The following NDP variants were observed in gnomAD, a reference collection of about 807,000 sequenced individuals.
NDP encodes the protein norrin cystine knot growth factor NDP.
NDP carries 2 observed loss-of-function variants against 8.4 expected under a neutral mutation model. The ratio of observed to expected loss-of-function variants is 0.24; its 90% CI spans 0.10 to 0.75. The LOEUF is 0.75. Ranked by LOEUF, NDP falls within the 30% of genes least tolerant of loss-of-function variation. The pLI is 0.73. For missense variants in NDP, 81 were observed against 110.1 expected (o/e 0.74, Z 1.18); for synonymous variants, 55 against 45.6 (o/e 1.21, Z -0.83).
At chrX:43,965,883 C>A (rs1602070410) in intron 1 of NDP, among the ~76,000 whole-genome samples, 2 of 111,507 alleles carry the variant, frequency 1.8e-5, no homozygotes, top group South Asian at 7.7e-4. Flanking sequence ...TCCAGAAGCC[C>A]TGGGCTGAGA....
At chrX:43,971,605 G>A (rs969729130) in intron 1 of NDP, among the ~76,000 whole-genome samples, 1 of 111,305 alleles carries the variant, frequency 9.0e-6, no homozygotes, top group African/African-American at 3.3e-5. Context: ...TGCATTTTGT[G>A]TTCAAATACT....
chrX:43,950,238 T>C (rs1398742384), intron 2 of NDP, among the ~76,000 whole-genome samples: 1 of 110,456 alleles, frequency 9.1e-6, no homozygotes, highest in African/African-American at 3.3e-5. Flanking sequence ...CAGGCTTTCA[T>C]GGTTTTCAAA....
intron 2 of NDP, among the ~76,000 whole-genome samples, chrX:43,952,245 G>A (rs908360855): frequency 9.0e-6 from 1 of 111,657 alleles, no homozygotes; most frequent in Non-Finnish European, 1.9e-5. Context: ...ATGAGAGAGA[G>A]AGTCCAAGAT....
intron 2 of NDP, among the ~76,000 whole-genome samples, chrX:43,957,357 G>A (rs1449919099): frequency 9.0e-6 from 1 of 110,571 alleles, no homozygotes; most frequent in Non-Finnish European, 1.9e-5. Context: ...GGTTCTACAA[G>A]CACAAATAAG....
At chrX:43,953,487 C>T (rs1216204308) in intron 2 of NDP, 2 of 112,554 alleles carry the variant, frequency 1.8e-5, no homozygotes, top group East Asian at 5.6e-4. Context: ...TCCTACTGGG[C>T]TGGTGCCCAC....
At chrX:43,957,577 G>T (rs1006150942) in intron 2 of NDP, among the ~76,000 whole-genome samples, 8 of 110,223 alleles carry the variant, frequency 7.3e-5, no homozygotes, top group African/African-American at 2.6e-4. Flanking sequence ...GGAGGGATTG[G>T]CTTATATGGT....
intron 1 of NDP, among the ~76,000 whole-genome samples, chrX:43,963,167 C>A (rs2035836348): frequency 8.9e-6 from 1 of 112,465 alleles, no homozygotes; most frequent in African/African-American, 3.2e-5. Flanking sequence ...ATATTCCCTT[C>A]TGTGGCTTCT....
Position 43,958,763 on chromosome X carries a change from A to C in NDP, c.-118T>G. The C allele has an allele frequency of 1.6e-6, 1 of 632,942 alleles. No individual in the cohort carries two copies. Among genetic ancestry groups the C allele is most frequent in the South Asian group, 2.4e-5 (1 of 41,757 alleles). 52.2% of individuals were successfully genotyped at this position (632,942 alleles called of 1,213,427 possible). A position where few individuals can be genotyped will look rare whatever the true frequency, so the allele number is the denominator to read the frequency against. ...TCAAGGAAAGGGCAGGATCGGGCTG[A>C]AGCTTTCTGGTTGTCATTGTCCTTT... On this transcript the variant is annotated 5_prime_UTR_variant, in exon 2 of 3. Transcript: ENST00000642620.
chrX:43,963,798 A>G (rs1270394504), intron 1 of NDP, among the ~76,000 whole-genome samples: 1 of 112,772 alleles, frequency 8.9e-6, no homozygotes, highest in Non-Finnish European at 1.9e-5. Flanking sequence ...GTTAATTTAT[A>G]AACTGTAAAC....
intron 1 of NDP, among the ~76,000 whole-genome samples, chrX:43,972,525 G>A (rs770503738): frequency 1.8e-5 from 2 of 111,332 alleles, no homozygotes; most frequent in Admixed American, 9.5e-5. Flanking sequence ...ATCCTTTCCC[G>A]GTCACTCCTT....
chrX:43,958,115 G>A (rs2035805846), intron 2 of NDP, among the ~76,000 whole-genome samples: 1 of 110,808 alleles, frequency 9.0e-6, no homozygotes, highest in Admixed American at 9.6e-5. Context: ...CTGCTCAATC[G>A]CATTCTTTGC....
chrX:43,964,826 A>G (rs1259389281), intron 1 of NDP, among the ~76,000 whole-genome samples: 1 of 111,760 alleles, frequency 8.9e-6, no homozygotes, highest in Non-Finnish European at 1.9e-5. Context: ...TTATGTGTCT[A>G]TCCATTTCTA....
intron 1 of NDP, among the ~76,000 whole-genome samples, chrX:43,969,114 A>G (rs1480575114): frequency 9.0e-6 from 1 of 111,545 alleles, no homozygotes; most frequent in Non-Finnish European, 1.9e-5. Flanking sequence ...ACTTCCTTCC[A>G]TTTGCAACTC....
intron 2 of NDP, among the ~76,000 whole-genome samples, chrX:43,951,205 G>A (rs993895844): frequency 9.1e-6 from 1 of 110,122 alleles, no homozygotes; most frequent in Non-Finnish European, 1.9e-5. Context: ...TTGACCCCAG[G>A]AGTTTGAGAC....
Position 43,949,629 on chromosome X carries a change from T to C in NDP, c.*170A>G. 3 of 485,289 alleles carry C rather than the reference T, an allele frequency of 6.2e-6. No individual in the cohort carries two copies. Among genetic ancestry groups the C allele is most frequent in the Non-Finnish European group, 1.1e-5 (3 of 277,472 alleles). The allele number at this position is 485,289 out of a possible 1,213,427, so 40.0% of individuals were successfully genotyped here. A position where few individuals can be genotyped will look rare whatever the true frequency, so the allele number is the denominator to read the frequency against. ...GGGAACTGCAAAGAAGTTCCCAGAG[T>C]ATCTCTCTCTGTCAACAAGCATGTA... On this transcript the variant is annotated 3_prime_UTR_variant, in exon 3 of 3. Transcript: ENST00000642620.
At chrX:43,973,247 C>T (rs903844418) in intron 1 of NDP, 57 bp downstream of exon 1, 4 of 111,521 alleles carry the variant, frequency 3.6e-5, no homozygotes, top group African/African-American at 1.3e-4. Flanking sequence ...ATGAAATGCT[C>T]GGTTTGGAAA....
At chrX:43,963,323 T>A (rs2035837445) in intron 1 of NDP, among the ~76,000 whole-genome samples, 2 of 85,558 alleles carry the variant, frequency 2.3e-5, no homozygotes, top group Admixed American at 1.4e-4. Context: ...AGGCAGAGTC[T>A]TGGCCTGTTG....
intron 1 of NDP, among the ~76,000 whole-genome samples, chrX:43,961,615 T>C (rs2035826741): frequency 8.9e-6 from 1 of 111,993 alleles, no homozygotes; most frequent in Non-Finnish European, 1.9e-5. Flanking sequence ...CTTTTCACTA[T>C]ATATCTTTTC....
chrX:43,953,161 C>CACACACACACA (rs2035772538), intron 2 of NDP, among the ~76,000 whole-genome samples: 4 of 110,932 alleles, frequency 3.6e-5, no homozygotes, highest in Non-Finnish European at 3.8e-5. Flanking sequence ...CACACACACT[C>CACACACACACA]CTAGAAGGAA....
Sources: allele counts gnomAD v4.1 joint callset (sites outside exome capture counted in the v4.1 genomes callset), GRCh38; gene constraint gnomAD v4.1.1; transcripts MANE v1.5; gene names NCBI Gene and HGNC (gene_info 2026-07-23, HGNC 2026-07-21).